DPYSL5: variants seen among roughly 807,000 people sequenced by gnomAD.
DPYSL5 encodes dihydropyrimidinase-related protein 5.
In DPYSL5, 9 loss-of-function variants were observed where a neutral mutation model predicts 58.4. The ratio of observed to expected loss-of-function variants is 0.15; its 90% CI spans 0.09 to 0.27. DPYSL5 has a LOEUF of 0.27. Among genes scored for constraint, DPYSL5 ranks in the 10% least tolerant of loss-of-function variants. DPYSL5 has a pLI of 1.00. For missense variants in DPYSL5, 499 were observed against 770.6 expected, an observed-to-expected ratio of 0.65 and a Z score of 4.17; for synonymous variants, 293 against 301.9, an observed-to-expected ratio of 0.97 and a Z score of 0.31.
intron 1 of DPYSL5, among the ~76,000 whole-genome samples, chr2:26,856,188 A>C (rs1196325785): frequency 6.6e-6 from 1 of 152,198 alleles, no homozygotes; most frequent in Non-Finnish European, 1.5e-5. Context: ...AGAAACAGAA[A>C]ATTGGAGTCT....
At chr2:26,873,257 T>C (rs1663317976) in intron 1 of DPYSL5, among the ~76,000 whole-genome samples, 1 of 152,206 alleles carries the variant, frequency 6.6e-6, no homozygotes, top group South Asian at 2.1e-4. Flanking sequence ...TTTATTTGCC[T>C]ATGTAATCAC....
intron 1 of DPYSL5, among the ~76,000 whole-genome samples, chr2:26,882,110 A>AAAAAG (rs962160215): frequency 2.6e-5 from 4 of 151,536 alleles, no homozygotes; most frequent in African/African-American, 9.7e-5. Flanking sequence ...AAAAAAAAAA[A>AAAAAG]AAGAAAGAAA....
chr2:26,901,114 G>A (rs1207133329), intron 2 of DPYSL5, among the ~76,000 whole-genome samples: 1 of 152,084 alleles, frequency 6.6e-6, no homozygotes, highest in Admixed American at 6.5e-5. Flanking sequence ...TGTGACGAAA[G>A]GCCCCAGATC....
chr2:26,928,247 T>C lies in DPYSL5; in HGVS notation c.601-8T>C. On this transcript the variant is annotated splice_region_variant and splice_polypyrimidine_tract_variant and intron_variant, in intron 4 of 12. Transcript: ENST00000288699. ...TCTCTCCATTTTCTTTCTCTTGCTG[T>C]TATCCAGGGTGCTAAGGAGGCACTG... 1 of 1,613,820 alleles carries C rather than the reference T, an allele frequency of 6.2e-7. No homozygotes were observed. Among genetic ancestry groups the C allele is most frequent in the South Asian group, 1.1e-5 (1 of 91,060 alleles).
At chr2:26,865,338 T>TA (rs1300943518) in intron 1 of DPYSL5, among the ~76,000 whole-genome samples, 2 of 110,380 alleles carry the variant, frequency 1.8e-5, no homozygotes, top group Non-Finnish European at 1.8e-5. Flanking sequence ...TTTTTTTTTT[T>TA]AAGACGAAGT....
At chr2:26,896,711 A>T (rs747039104) in intron 1 of DPYSL5, among the ~76,000 whole-genome samples, 3 of 152,204 alleles carry the variant, frequency 2.0e-5, no homozygotes, top group Non-Finnish European at 4.4e-5. Flanking sequence ...GGTTCTGTGC[A>T]CATTTTTAAA....
Position 26,942,064 on chromosome 2 carries a change from G to A in DPYSL5, c.1204G>A (p.Val402Met), listed in dbSNP as rs1264424207. 6.2e-7 allele frequency: 1 copy of A among 1,614,236 alleles called. No individual in the cohort carries two copies. The highest frequency in any genetic ancestry group is 1.1e-5 in the South Asian group (1 of 91,086). Residue 402 changes from valine to methionine, a missense_variant, in exon 10 of 13, where the codon GTG becomes ATG. Physicochemically the swap from Val to Met is conservative, Grantham distance 21. Transcript: ENST00000288699. This position sits in a 1 kb window ranked among gnomAD's most constrained non-coding sequence, Gnocchi z 5.9. The part of the protein sequence containing the change: ...GRIIPGADAD[V>M]VVWDPEATKT... ...CATTATTCCCGGAGCCGATGCTGAT[G>A]TGGTGGTGTGGGACCCAGAAGCCAC... is the stretch of plus-strand genomic sequence containing the variant.
rs1664820200 is a variant in DPYSL5 at position 26,925,956 on chromosome 2, C to T, written c.420+911C>T. Among the ~76,000 whole-genome samples, 1 of 152,216 alleles carries T rather than the reference C, an allele frequency of 6.6e-6. No homozygotes were observed. Among genetic ancestry groups the T allele is most frequent in the African/African-American group, 2.4e-5 (1 of 41,446 alleles). On this transcript the variant is annotated intron_variant, in intron 3 of 12. Coordinates refer to ENST00000288699, the MANE Select transcript of DPYSL5 (RefSeq NM_020134.4). The surrounding 1 kb of genome is among the most constrained non-coding windows in gnomAD (Gnocchi z 4.5). ...TTTTCCGTCAAAAACCCACTTGTAA[C>T]TGCTGCTAATCAGAGTGTATATTCA... is the stretch of plus-strand genomic sequence containing the variant.
At chr2:26,851,343 A>T (rs1175148138) in intron 1 of DPYSL5, among the ~76,000 whole-genome samples, 1 of 43,908 alleles carries the variant, frequency 2.3e-5, no homozygotes, top group Non-Finnish European at 4.3e-5. Flanking sequence ...CCTGACGTGA[A>T]GGCCTGGCTG....
intron 1 of DPYSL5, among the ~76,000 whole-genome samples, chr2:26,884,063 C>T (rs1663644202): frequency 1.3e-5 from 2 of 152,194 alleles, no homozygotes; most frequent in South Asian, 4.1e-4. Context: ...AGCTGCCATC[C>T]TTCCAGGGGA....
intron 1 of DPYSL5, among the ~76,000 whole-genome samples, chr2:26,882,455 GTA>G (rs1423389458): frequency 1.1e-4 from 17 of 150,140 alleles, no homozygotes; most frequent in African/African-American, 4.2e-4. Context: ...GTGTGTGTGT[GTA>G]TGTGTGTGTA....
chr2:26,848,438 G>C (rs960320464), intron 1 of DPYSL5, 184 bp downstream of exon 1: 1 of 152,468 alleles, frequency 6.6e-6, no homozygotes, highest in African/African-American at 2.4e-5. Flanking sequence ...GGGCTAAGCC[G>C]GGGCGCTCTT....
At chr2:26,868,196 G>A in intron 1 of DPYSL5, among the ~76,000 whole-genome samples, 1 of 152,100 alleles carries the variant, frequency 6.6e-6, no homozygotes, top group East Asian at 1.9e-4. Context: ...CTTTCTCTTG[G>A]TTGTTTGTCT....
rs752999053 is a variant in DPYSL5 at position 26,927,154 on chromosome 2, G to T, written c.421-99G>T. On this transcript the variant is annotated intron_variant, in intron 3 of 12. Transcript: ENST00000288699. The surrounding 1 kb of genome is among the most constrained non-coding windows in gnomAD (Gnocchi z 4.3). ...GGGGGTCAACCGACAGACTGAGCTG[G>T]GGCAGGCCCCACATCTCCCCCATGC... 1.5e-6 allele frequency: 2 copies of T among 1,294,194 alleles called. No individual in the cohort carries two copies. Among genetic ancestry groups the T allele is most frequent in the South Asian group, 1.5e-5 (1 of 68,184 alleles). 80.2% of individuals were successfully genotyped at this position (1,294,194 alleles called of 1,614,324 possible).
In DPYSL5 at chr2:26,931,203, G is replaced by GTATATATATATA. The variant is rs373034710; in HGVS notation, c.670-421_670-410dup. ...TGTGTGTGTGTGTGTGTGTGTGTGT[G>GTATATATATATA]TATATATATATATATATATATATAT... On this transcript the variant is annotated intron_variant, in intron 5 of 12. Coordinates refer to ENST00000288699, the MANE Select transcript of DPYSL5 (RefSeq NM_020134.4). 5.8e-4 allele frequency among the ~76,000 whole-genome samples: 26 copies of GTATATATATATA among 44,928 alleles called. 1 individual carries two copies. Among genetic ancestry groups the GTATATATATATA allele is most frequent in the South Asian group, 1.3e-3 (1 of 788 alleles). 29.5% of individuals were successfully genotyped at this position (44,928 alleles called of 152,430 possible). A position where few individuals can be genotyped will look rare whatever the true frequency, so the allele number is the denominator to read the frequency against.
chr2:26,933,252 G>A lies in DPYSL5; in HGVS notation c.715-6G>A, dbSNP rs779568197. On this transcript the variant is annotated splice_region_variant and splice_polypyrimidine_tract_variant and intron_variant, in intron 6 of 12. Transcript: ENST00000288699. The surrounding 1 kb of genome is among the most constrained non-coding windows in gnomAD (Gnocchi z 4.2). The stretch of plus-strand genomic sequence containing the variant: ...CTCCCTACTTCCCACTGTTTCTTGT[G>A]TTTAGACTCACTGTCCAATCTACCT... 5 of 1,614,032 alleles carry A rather than the reference G, an allele frequency of 3.1e-6. No homozygotes were observed. Among genetic ancestry groups the A allele is most frequent in the Non-Finnish European group, 4.2e-6 (5 of 1,179,872 alleles).
chr2:26,854,042 A>G (rs1665819077), intron 1 of DPYSL5, among the ~76,000 whole-genome samples: 1 of 151,456 alleles, frequency 6.6e-6, no homozygotes, highest in Non-Finnish European at 1.5e-5. Flanking sequence ...TCTCTCAAAA[A>G]TTAAAAAAAA....
At position 26,858,563 on chromosome 2, in the gene DPYSL5, A is replaced by G. The variant is rs545986929; in HGVS notation, c.-5+10309A>G. 9.3e-4 allele frequency among the ~76,000 whole-genome samples: 140 copies of G among 150,288 alleles called. 1 individual carries two copies. Among genetic ancestry groups the G allele is most frequent in the Non-Finnish European group, 1.6e-3 (111 of 67,604 alleles). ...TTTCATATTTCATATCTTTTATAAT[A>G]TAGGATTTAATTTTTTTTTTTTTTG... On this transcript the variant is annotated intron_variant, in intron 1 of 12. Transcript: ENST00000288699.
At position 26,849,438 on chromosome 2, in the gene DPYSL5, T is replaced by A. The variant is rs971780788; in HGVS notation, c.-5+1184T>A. On this transcript the variant is annotated intron_variant, in intron 1 of 12. Coordinates refer to ENST00000288699, the MANE Select transcript of DPYSL5 (RefSeq NM_020134.4). This position sits in a 1 kb window ranked among gnomAD's most constrained non-coding sequence, Gnocchi z 6.2. ...CGCGGCCCAGGTGGCCGGCTGGGCG[T>A]GGCCCTCGGACCGGGGTTAGGGACC... Among the ~76,000 whole-genome samples the A allele has an allele frequency of 6.6e-6, 1 of 151,702 alleles. No individual in the cohort carries two copies. The highest frequency in any genetic ancestry group is 2.0e-4 in the East Asian group (1 of 5,078).
Sources: allele counts gnomAD v4.1 joint callset (sites outside exome capture counted in the v4.1 genomes callset), GRCh38; gene constraint gnomAD v4.1.1; non-coding constraint Gnocchi (gnomAD v3.1); transcripts MANE v1.5; gene names NCBI Gene and HGNC (gene_info 2026-07-23, HGNC 2026-07-21).